Variants in PBX1 observed in about 807,000 individuals in gnomAD.
PBX1 encodes PBX homeobox 1.
In PBX1, 6 loss-of-function variants were observed where a neutral mutation model predicts 53.4. The ratio of observed to expected loss-of-function variants is 0.11; its 90% CI spans 0.06 to 0.22. The LOEUF is 0.22. Among genes scored for constraint, PBX1 ranks in the 10% least tolerant of loss-of-function variants. PBX1 has a pLI of 1.00. For synonymous variants in PBX1, 204 were observed against 212.3 expected, an observed-to-expected ratio of 0.96 and a Z score of 0.34; for missense variants, 251 against 551.4, an observed-to-expected ratio of 0.46 and a Z score of 5.46.
rs1669642478 is a variant in PBX1, at chr1:164,812,146, G to T, written c.994G>T (p.Ala332Ser). 6.2e-7 allele frequency: 1 copy of T among 1,606,612 alleles called. No individual in the cohort carries two copies. The highest frequency in any genetic ancestry group is 8.5e-7 in the Non-Finnish European group (1 of 1,176,068). The change falls in exon 6 of 9, where the codon GCT (alanine) becomes TCT (serine). Residue 332 changes from alanine (A) to serine (S), a missense_variant. This residue lies in a region of PBX1 where 92 missense variants were observed against 130.4 expected (regional missense o/e 0.71). Transcript: ENST00000420696. ...TAACTCGCCCTCAACTCCCAACTCG[G>T]CTGGTTAGTTTTTTCTTTGATTGGG... ...QANSPSTPNS[A>S]GSSSSFNMSN...
chr1:164,872,511 C>T (rs1299376772), intron 2 of PBX1, among the ~76,000 whole-genome samples: 1 of 152,174 alleles, frequency 6.6e-6, no homozygotes, highest in Non-Finnish European at 1.5e-5. Flanking sequence ...TTCTCCCTAT[C>T]CTGATTTTGT....
intron 2 of PBX1, among the ~76,000 whole-genome samples, chr1:164,781,113 A>G (rs1667913562): frequency 6.6e-6 from 1 of 152,140 alleles, no homozygotes; most frequent in African/African-American, 2.4e-5. Flanking sequence ...GATCATCCAC[A>G]TACTCTCCCT....
chr1:164,746,029 C>T (rs376565491), intron 2 of PBX1, among the ~76,000 whole-genome samples: 1 of 152,142 alleles, frequency 6.6e-6, no homozygotes, highest in Non-Finnish European at 1.5e-5. Context: ...GAGAGGCATA[C>T]GATTATTTTA....
At chr1:164,701,927 A>G (rs1663145254) in intron 2 of PBX1, among the ~76,000 whole-genome samples, 1 of 152,224 alleles carries the variant, frequency 6.6e-6, no homozygotes, top group African/African-American at 2.4e-5. Context: ...TTAAAAACCT[A>G]CTGAAAAGTA....
At chr1:164,864,875 G>T (rs191220615) in intron 2 of PBX1, among the ~76,000 whole-genome samples, 1 of 152,144 alleles carries the variant, frequency 6.6e-6, no homozygotes, top group East Asian at 1.9e-4. Flanking sequence ...TGCCTTTATG[G>T]TGTTGCATGG....
In PBX1 at chr1:164,885,781, A is replaced by G. The variant is rs58892163; in HGVS notation, n.258-13407A>G. Among the ~76,000 whole-genome samples, 254 of 151,646 alleles carry G rather than the reference A, an allele frequency of 1.7e-3. 1 individual carries two copies. Among genetic ancestry groups the G allele is most frequent in the African/African-American group, 5.8e-3 (237 of 40,950 alleles). The stretch of plus-strand genomic sequence containing the variant: ...TTTACCTCCTTCAGGTCTTCACTCA[A>G]CTTACCTTTTTGTGAGAACTTTCTT... On this transcript the variant is annotated intron_variant and non_coding_transcript_variant, in intron 2 of 2. Coordinates refer to the PBX1 transcript ENST00000558796.
At chr1:164,877,255 C>CA (rs113396239) in intron 2 of PBX1, among the ~76,000 whole-genome samples, 3,658 of 130,952 alleles carry the variant, frequency 0.028, 85 homozygotes, top group Middle Eastern at 0.095. Context: ...CAGTGATGGG[C>CA]AAAAAAAAAA....
intron 2 of PBX1, among the ~76,000 whole-genome samples, chr1:164,676,338 T>C (rs1289858432): frequency 6.6e-6 from 1 of 151,688 alleles, no homozygotes; most frequent in Non-Finnish European, 1.5e-5. Context: ...TCTGTCTAGC[T>C]CTCCTACTCC....
chr1:164,870,276 T>C (rs1255699102), intron 2 of PBX1, among the ~76,000 whole-genome samples: 8 of 18,948 alleles, frequency 4.2e-4, no homozygotes, highest in Admixed American at 6.5e-4. Flanking sequence ...CTTCTTTCTT[T>C]CTTTCTTTCT....
intron 2 of PBX1, among the ~76,000 whole-genome samples, chr1:164,862,392 G>A (rs571743545): frequency 1.3e-5 from 2 of 152,166 alleles, no homozygotes; most frequent in South Asian, 2.1e-4. Context: ...TCCCTCTCTT[G>A]TAGCACTCAT....
At chr1:164,779,042 A>ATTTT (rs11350510) in intron 2 of PBX1, among the ~76,000 whole-genome samples, 2 of 132,048 alleles carry the variant, frequency 1.5e-5, no homozygotes, top group African/African-American at 2.8e-5. Context: ...AAAGGAGATA[A>ATTTT]TTTTTTTTTT....
intron 3 of PBX1, 90 bp from the exon 4 acceptor site, chr1:164,799,609 T>C: frequency 1.7e-6 from 2 of 1,177,150 alleles, no homozygotes; most frequent in Non-Finnish European, 2.4e-6. Context: ...CACAAGTCTC[T>C]AGAAAAGCCC....
At chr1:164,826,296 T>C (rs1670458347) in intron 8 of PBX1, among the ~76,000 whole-genome samples, 1 of 151,546 alleles carries the variant, frequency 6.6e-6, no homozygotes, top group Admixed American at 6.6e-5. Flanking sequence ...GAAACCCAAA[T>C]GGGAAGGAAG....
intron 2 of PBX1, among the ~76,000 whole-genome samples, chr1:164,711,346 C>T (rs899076172): frequency 6.6e-6 from 1 of 152,216 alleles, no homozygotes; most frequent in Admixed American, 6.5e-5. Context: ...TCACTGCAAG[C>T]TCTGCCTTCC....
chr1:164,624,115 T>C (rs1374649425), intron 2 of PBX1, among the ~76,000 whole-genome samples: 1 of 152,208 alleles, frequency 6.6e-6, no homozygotes, highest in Non-Finnish European at 1.5e-5. Context: ...CAGGGCTAAC[T>C]GTATCTGAAG....
chr1:164,707,761 C>A (rs1663524993), intron 2 of PBX1, among the ~76,000 whole-genome samples: 1 of 152,126 alleles, frequency 6.6e-6, no homozygotes, highest in Non-Finnish European at 1.5e-5. Context: ...GATGGGGAAG[C>A]CTTGTCTGAG....
At position 164,850,238 on chromosome 1, in the gene PBX1, G is replaced by T. The variant is rs1460143400; in HGVS notation, c.*3562G>T. 8 of 220,058 alleles carry T rather than the reference G, an allele frequency of 3.6e-5. No homozygotes were observed. Among genetic ancestry groups the T allele is most frequent in the Non-Finnish European group, 6.3e-5 (7 of 111,248 alleles). 13.6% of individuals were successfully genotyped at this position (220,058 alleles called of 1,614,324 possible). A position where few individuals can be genotyped will look rare whatever the true frequency, so the allele number is the denominator to read the frequency against. ...TCCCTCATTTTTCTTTTATTTTCTT[G>T]CATTTGTGAATTAGTTCAAGAATGC... On this transcript the variant is annotated 3_prime_UTR_variant, in exon 9 of 9. Coordinates refer to ENST00000420696, the MANE Select transcript of PBX1 (RefSeq NM_002585.4).
chr1:164,682,674 G>A (rs1459132640), intron 2 of PBX1: 1 of 151,888 alleles, frequency 6.6e-6, no homozygotes, highest in Admixed American at 6.5e-5. Context: ...TTCTTCTACT[G>A]TTAAATAGCA....
chr1:164,727,550 G>C (rs974781382), intron 2 of PBX1, among the ~76,000 whole-genome samples: 1 of 152,148 alleles, frequency 6.6e-6, no homozygotes, highest in South Asian at 2.1e-4. Context: ...TTAAGTCTTA[G>C]AGATGCATTT....
Sources: gnomAD v4.1 joint callset for allele counts (sites outside exome capture counted in the v4.1 genomes callset) on GRCh38, gnomAD v4.1.1 for gene constraint, gnomAD v4.1.1 regional missense constraint, MANE v1.5 for transcripts, NCBI Gene and HGNC (gene_info 2026-07-23, HGNC 2026-07-21) for gene names.